The following MGAM variants were observed in gnomAD, a reference collection of about 807,000 sequenced individuals.
MGAM encodes the protein maltase-glucoamylase.
A neutral mutation model predicts 358.8 loss-of-function variants in MGAM; 253 were observed. The observed-to-expected ratio is 0.71, with a 90% confidence interval of 0.64 to 0.78. The LOEUF is 0.78. Among genes scored for constraint, MGAM ranks in the 30% least tolerant of loss-of-function variants. The probability of loss-of-function intolerance (pLI) is 0.00; values close to 1 mark genes in which losing one functional copy is unlikely to be tolerated. For synonymous variants in MGAM, 1,105 were observed against 1,227.1 expected, an observed-to-expected ratio of 0.90 and a Z score of 2.08; for missense variants, 3,080 against 3,432.6, an observed-to-expected ratio of 0.90 and a Z score of 2.57.
At chr7:142,024,005 G>A (rs1452239605) in intron 7 of MGAM, among the ~76,000 whole-genome samples, 2 of 152,092 alleles carry the variant, frequency 1.3e-5, no homozygotes, top group African/African-American at 2.4e-5. Context: ...AGGCCAAGGC[G>A]TGTGGATCAT....
intron 49 of MGAM, among the ~76,000 whole-genome samples, chr7:142,079,801 A>G (rs536922180): frequency 2.1e-5 from 3 of 146,322 alleles, no homozygotes; most frequent in East Asian, 4.0e-4. Context: ...AAATTTCTTT[A>G]CAATCTGACA....
intron 13 of MGAM, 80 bp downstream of exon 13, chr7:142,031,873 G>C: frequency 1.0e-6 from 1 of 952,814 alleles, no homozygotes; most frequent in Non-Finnish European, 1.7e-6. Context: ...GAGTCACAGA[G>C]CATAGGGAGA....
At chr7:142,030,584 C>T (rs1807392074) in intron 11 of MGAM, 57 bp from the exon 12 acceptor site, 3 of 1,602,860 alleles carry the variant, frequency 1.9e-6, no homozygotes, top group African/African-American at 2.7e-5. Context: ...TTCCCAGTCT[C>T]CTTTCAGTGC....
intron 18 of MGAM, among the ~76,000 whole-genome samples, chr7:142,037,329 A>G (rs79760713): frequency 4.7e-4 from 71 of 152,258 alleles, no homozygotes; most frequent in African/African-American, 1.3e-3. Context: ...TGAAATCTTG[A>G]CTGTGATGGT....
chr7:141,991,684 C>T (rs999330923), upstream of MGAM, among the ~76,000 whole-genome samples: 3 of 152,174 alleles, frequency 2.0e-5, no homozygotes, highest in African/African-American at 7.2e-5. Flanking sequence ...ATCCGCCTGC[C>T]TCAGCCTCCC....
At chr7:142,082,312 T>C in intron 51 of MGAM, 102 bp downstream of exon 51, 8 of 1,406,988 alleles carry the variant, frequency 5.7e-6, no homozygotes, top group Non-Finnish European at 6.8e-6. Flanking sequence ...CGTCACATTC[T>C]GCTTTTAGGC....
rs1367082745 is a variant in MGAM at position 142,021,574 on chromosome 7, A to G, written c.559-12A>G. 37 of 1,612,576 alleles carry G rather than the reference A, an allele frequency of 2.3e-5. No individual in the cohort carries two copies. The Admixed American group carries it at 3.3e-4, about 15-fold the overall frequency. On this transcript the variant is annotated splice_polypyrimidine_tract_variant and intron_variant, in intron 5 of 70. Transcript: ENST00000475668. ...TTATTTTGGCTTTCCTTCTATTTCT[A>G]TCTCTGCACAGTTGACTGACCAAAC...
At chr7:142,094,298 C>A in intron 60 of MGAM, 66 bp from the exon 61 acceptor site, 2 of 1,471,520 alleles carry the variant, frequency 1.4e-6, no homozygotes, top group Non-Finnish European at 1.8e-6. Flanking sequence ...GCTCTGGGAG[C>A]AGATGCTCTA....
intron 11 of MGAM, 73 bp from the exon 12 acceptor site, chr7:142,030,568 C>T (rs1328483037): frequency 2.5e-6 from 4 of 1,606,368 alleles, no homozygotes; most frequent in Non-Finnish European, 2.6e-6. Flanking sequence ...CTGCTTTCTC[C>T]CCCAGTTCCC....
At chr7:142,059,625 G>C in intron 32 of MGAM, 25 bp downstream of exon 32, 1 of 1,610,266 alleles carries the variant, frequency 6.2e-7, no homozygotes, top group Non-Finnish European at 8.5e-7. Context: ...GAATGTGTGC[G>C]GTCTGTTTGG....
chr7:142,040,535 C>T, intron 20 of MGAM, 187 bp from the exon 21 acceptor site: 2 of 740,316 alleles, frequency 2.7e-6, no homozygotes, highest in Admixed American at 3.1e-5. Flanking sequence ...AATTTTTTCA[C>T]AAACCCCCAA....
intron 44 of MGAM, among the ~76,000 whole-genome samples, chr7:142,072,482 T>C (rs1813423972): frequency 6.8e-6 from 1 of 146,426 alleles, no homozygotes; most frequent in African/African-American, 2.4e-5. Context: ...TATTTGCTCC[T>C]TAGATGATTT....
intron 12 of MGAM, among the ~76,000 whole-genome samples, chr7:142,031,452 C>T (rs78784682): frequency 0.018 from 2,676 of 152,206 alleles, 63 homozygotes; most frequent in African/African-American, 0.061. Context: ...CCTTTATCCA[C>T]GAATTTATTC....
At chr7:142,067,941 T>TATATATATATATATATATAA (rs1812916378) in intron 42 of MGAM, among the ~76,000 whole-genome samples, 7 of 37,474 alleles carry the variant, frequency 1.9e-4, no homozygotes, top group African/African-American at 3.7e-4. Flanking sequence ...CTCAAATATA[T>TATATATATATATATATATAA]ATATATATAT....
At chr7:142,064,300 G>A in intron 36 of MGAM, 84 bp from the exon 37 acceptor site, 2 of 1,540,986 alleles carry the variant, frequency 1.3e-6, no homozygotes, top group Non-Finnish European at 1.8e-6. Context: ...TTAGTCTTAA[G>A]ATCCAGGGCC....
At chr7:142,014,241 G>A (rs1370366360) in intron 3 of MGAM, among the ~76,000 whole-genome samples, 7 of 152,158 alleles carry the variant, frequency 4.6e-5, no homozygotes, top group African/African-American at 1.7e-4. Flanking sequence ...CAGCAGTTCT[G>A]TAGGTCGTTA....
Position 142,059,514 on chromosome 7 carries a change from G to T in MGAM, c.3862G>T (p.Asp1288Tyr). The change falls in exon 32 of 71, where the codon GAC becomes TAC. Residue 1288 changes from aspartate to tyrosine, a missense_variant. By Grantham distance (160) the Asp-to-Tyr change is radical (BLOSUM62 -3). Coordinates refer to ENST00000475668, the MANE Select transcript of MGAM (RefSeq NM_001365693.1). ...SDIDYMERQLDFTLSPKFAGF... is the reference protein window; with the variant it reads ...SDIDYMERQLYFTLSPKFAGF... Reference sequence around the variant, plus strand: ...CATCGACTACATGGAGCGGCAGCTGGACTTCACCCTCAGCCCCAAGTTTGC... The same window carrying T: ...CATCGACTACATGGAGCGGCAGCTGTACTTCACCCTCAGCCCCAAGTTTGC... 6.2e-7 allele frequency: 1 copy of T among 1,612,786 alleles called. No homozygotes were observed. Among genetic ancestry groups the T allele is most frequent in the Non-Finnish European group, 8.5e-7 (1 of 1,179,026 alleles).
At chr7:142,010,274 T>C (rs1805504312) in intron 3 of MGAM, among the ~76,000 whole-genome samples, 1 of 152,124 alleles carries the variant, frequency 6.6e-6, no homozygotes, top group South Asian at 2.1e-4. Context: ...TTCGGATCTT[T>C]AGTTCTGGGC....
chr7:142,056,598 TA>T (rs1391491635), intron 29 of MGAM, among the ~76,000 whole-genome samples: 1 of 152,160 alleles, frequency 6.6e-6, no homozygotes, highest in Non-Finnish European at 1.5e-5. Flanking sequence ...ATAATAATTT[TA>T]TAAGAGTAGA....
Sources: gnomAD v4.1 joint callset for allele counts (sites outside exome capture counted in the v4.1 genomes callset) on GRCh38, gnomAD v4.1.1 for gene constraint, MANE v1.5 for transcripts, NCBI Gene and HGNC (gene_info 2026-07-23, HGNC 2026-07-21) for gene names.